Variants in TSEN2 observed in about 807,000 individuals in gnomAD.
TSEN2 encodes the protein tRNA splicing endonuclease subunit 2, also known as tRNA-splicing endonuclease subunit Sen2.
TSEN2 carries 54 observed loss-of-function variants against 59.2 expected under a neutral mutation model. That is an observed-to-expected ratio of 0.91 (90% CI 0.73 to 1.14). The LOEUF (loss-of-function observed/expected upper bound fraction) is 1.14, where lower values mean the gene tolerates loss of function less well. Ranked by LOEUF, TSEN2 falls within the 50% of genes most tolerant of loss-of-function variation. The pLI is 0.00. For missense variants in TSEN2, 636 were observed against 576.2 expected, an observed-to-expected ratio of 1.10 and a Z score of -1.06; for synonymous variants, 195 against 198.2, an observed-to-expected ratio of 0.98 and a Z score of 0.14.
intron 6 of TSEN2, among the ~76,000 whole-genome samples, chr3:12,508,724 T>C (rs560083969): frequency 2.0e-5 from 3 of 152,308 alleles, no homozygotes; most frequent in African/African-American, 7.2e-5. Flanking sequence ...ATAGAGTAAT[T>C]GAAGAGCTAT....
At chr3:12,530,388 T>C in intron 10 of TSEN2, 2 of 986,124 alleles carry the variant, frequency 2.0e-6, no homozygotes, top group Non-Finnish European at 2.4e-6. Context: ...ATCACACAGC[T>C]CATGTGCATA....
intron 6 of TSEN2, among the ~76,000 whole-genome samples, chr3:12,508,750 C>A (rs909148328): frequency 6.6e-6 from 1 of 152,218 alleles, no homozygotes; most frequent in Non-Finnish European, 1.5e-5. Flanking sequence ...GTATTTACCT[C>A]AGTTATTTCT....
intron 9 of TSEN2, among the ~76,000 whole-genome samples, chr3:12,529,487 T>G (rs299634): frequency 1.4e-5 from 2 of 146,772 alleles, no homozygotes; most frequent in Non-Finnish European, 3.0e-5. Flanking sequence ...AAAAAAAAAT[T>G]AGTTAGTATT....
At chr3:12,512,702 C>G (rs1424970672) in intron 6 of TSEN2, among the ~76,000 whole-genome samples, 1 of 152,258 alleles carries the variant, frequency 6.6e-6, no homozygotes, top group African/African-American at 2.4e-5. Context: ...CATGCAACAT[C>G]TTCCTTACCT....
At chr3:12,514,774 G>A (rs963209567) in intron 6 of TSEN2, 8 of 152,136 alleles carry the variant, frequency 5.3e-5, no homozygotes, top group Non-Finnish European at 1.0e-4. Flanking sequence ...CCTGCCCACG[G>A]ATGACACAAG....
rs749625393 is a variant in TSEN2, at chr3:12,529,818, C to G, written c.1193C>G (p.Pro398Arg). 8 of 1,614,164 alleles carry G rather than the reference C, an allele frequency of 5.0e-6. No homozygotes were observed. Among genetic ancestry groups the G allele is most frequent in the Non-Finnish European group, 5.9e-6 (7 of 1,180,026 alleles). ...CATTTTGAAGGCTCTCTCCGCAGGC[C>G]TCTCAGTTGGAAGTCCCTGGCTGCC... ...DDHFEGSLRR[P>R]LSWKSLAALS... Residue 398 changes from proline (P) to arginine (R), a missense_variant, in exon 10 of 12, where the codon CCT becomes CGT. Pro to Arg is a moderately radical substitution (Grantham distance 103). Transcript: ENST00000284995.
intron 5 of TSEN2, among the ~76,000 whole-genome samples, chr3:12,504,365 T>C (rs1030202518): frequency 1.3e-5 from 2 of 152,098 alleles, no homozygotes; most frequent in South Asian, 2.1e-4. Flanking sequence ...GAGGATCACT[T>C]GAGGCCAGGA....
intron 4 of TSEN2, among the ~76,000 whole-genome samples, chr3:12,502,461 G>A (rs1031131583): frequency 1.2e-4 from 18 of 151,938 alleles, no homozygotes; most frequent in African/African-American, 2.2e-4. Flanking sequence ...GCTTGAACCC[G>A]GGAGGCAGAG....
At chr3:12,483,830 T>G (rs2124848713), upstream of TSEN2, among the ~76,000 whole-genome samples, 1 of 152,350 alleles carries the variant, frequency 6.6e-6, no homozygotes, top group South Asian at 2.1e-4. Flanking sequence ...ACTCCAGTTT[T>G]GCTCATCTCC....
intron 1 of TSEN2, among the ~76,000 whole-genome samples, 156 bp from the exon 2 acceptor site, chr3:12,489,628 C>T (rs1028736894): frequency 5.3e-5 from 8 of 152,198 alleles, no homozygotes; most frequent in African/African-American, 1.7e-4. Context: ...CTCACACAAA[C>T]TGTTCTTACT....
At chr3:12,498,564 G>A (rs1289971659) in intron 4 of TSEN2, among the ~76,000 whole-genome samples, 1 of 152,114 alleles carries the variant, frequency 6.6e-6, no homozygotes, top group East Asian at 1.9e-4. Context: ...AGATTTAAAT[G>A]TTCAATTTGC....
chr3:12,509,624 T>C (rs1378037391), intron 6 of TSEN2, among the ~76,000 whole-genome samples: 1 of 152,190 alleles, frequency 6.6e-6, no homozygotes, highest in East Asian at 1.9e-4. Flanking sequence ...ATAGGGGTGG[T>C]GCAGACCAGC....
intron 8 of TSEN2, among the ~76,000 whole-genome samples, chr3:12,520,203 C>A (rs1198309335): frequency 6.6e-6 from 1 of 152,136 alleles, no homozygotes. Context: ...TTTCCCCGTG[C>A]CAGCCAGGAT....
At chr3:12,481,943 G>A (rs2052198935), upstream of TSEN2, among the ~76,000 whole-genome samples, 1 of 139,378 alleles carries the variant, frequency 7.2e-6, no homozygotes, top group African/African-American at 2.7e-5. Flanking sequence ...ATATATATAT[G>A]TAGATGCAGA....
At chr3:12,502,566 AT>A (rs557733499) in intron 4 of TSEN2, among the ~76,000 whole-genome samples, 176 of 152,044 alleles carry the variant, frequency 1.2e-3, no homozygotes, top group African/African-American at 3.7e-3. Flanking sequence ...CAAAAAAAAA[AT>A]CTTGATAAAG....
chr3:12,480,528 GT>G (rs752340308), upstream of TSEN2, among the ~76,000 whole-genome samples: 263 of 91,738 alleles, frequency 2.9e-3, no homozygotes, highest in South Asian at 6.7e-3. Flanking sequence ...TTGTTTCTTT[GT>G]TTTTTTTTTT....
chr3:12,482,251 A>C (rs2052201730), upstream of TSEN2, among the ~76,000 whole-genome samples: 1 of 152,086 alleles, frequency 6.6e-6, no homozygotes, highest in South Asian at 2.1e-4. Flanking sequence ...CCTCCAGGGT[A>C]GCTGGGATTA....
rs1376619668 is a variant in TSEN2 at position 12,496,517 on chromosome 3, G to A, written c.272-1G>A. On this transcript the variant is annotated splice_acceptor_variant, in intron 3 of 11. Transcript: ENST00000284995. LOFTEE classifies it high-confidence loss of function. Reference sequence around the variant, plus strand: ...AAACTAATAGAACTTCTTTGTTCCAGATATGAAGACAAACATGCCTATCAT... The same window carrying A: ...AAACTAATAGAACTTCTTTGTTCCAAATATGAAGACAAACATGCCTATCAT... 6.2e-7 allele frequency: 1 copy of A among 1,614,114 alleles called. No homozygotes were observed.
Position 12,519,096 on chromosome 3 carries a change from C to T in TSEN2, c.998C>T (p.Thr333Ile). 1 of 1,614,186 alleles carries T rather than the reference C, an allele frequency of 6.2e-7. No individual in the cohort carries two copies. Among genetic ancestry groups the T allele is most frequent in the Non-Finnish European group, 8.5e-7 (1 of 1,180,030 alleles). ...LTIVKLWKAF[T>I]VVQPTFRTTY... is the part of the protein sequence containing the mutation. ...ATAGTGAAGCTCTGGAAAGCTTTCA[C>T]TGTAGTTCAGCCCACGTTCAGAACC... The change falls in exon 8 of 12, where the codon ACT becomes ATT. Residue 333 changes from threonine to isoleucine, a missense_variant. Coordinates refer to ENST00000284995, the MANE Select transcript of TSEN2 (RefSeq NM_025265.4).
Sources: allele counts gnomAD v4.1 joint callset (sites outside exome capture counted in the v4.1 genomes callset), GRCh38; gene constraint gnomAD v4.1.1; transcripts MANE v1.5; gene names NCBI Gene and HGNC (gene_info 2026-07-23, HGNC 2026-07-21).